Variants in AUTS2 observed in about 807,000 individuals in gnomAD.
AUTS2 encodes the protein autism susceptibility gene 2 protein.
A neutral mutation model predicts 112.4 loss-of-function variants in AUTS2; 17 were observed. That is an observed-to-expected ratio of 0.15 (90% CI 0.10 to 0.23). The LOEUF is 0.23. Among genes scored for constraint, AUTS2 ranks in the 10% least tolerant of loss-of-function variants. The probability of loss-of-function intolerance (pLI) is 1.00; values close to 1 mark genes in which losing one functional copy is unlikely to be tolerated. For synonymous variants in AUTS2, 751 were observed against 702.7 expected (o/e 1.07, Z -1.09); for missense variants, 1,510 against 1,701.6 (o/e 0.89, Z 1.98).
chr7:70,598,732 T>G (rs1299917547), intron 5 of AUTS2, among the ~76,000 whole-genome samples: 2 of 152,232 alleles, frequency 1.3e-5, no homozygotes, highest in Non-Finnish European at 2.9e-5. Flanking sequence ...GAAAGTTTCC[T>G]TCTATGATAA....
intron 5 of AUTS2, among the ~76,000 whole-genome samples, chr7:70,513,498 A>G (rs879707193): frequency 4.6e-5 from 7 of 152,134 alleles, no homozygotes; most frequent in Non-Finnish European, 8.8e-5. Context: ...AAGGCATATA[A>G]TCTATCCCCC....
In AUTS2 at chr7:70,783,683, T is replaced by C. The variant is rs143089679; in HGVS notation, c.2147-1259T>C. 1.2e-4 allele frequency: 19 copies of C among 152,348 alleles called. No individual in the cohort carries two copies. The East Asian group carries it at 3.3e-3, about 26-fold the overall frequency. 9.4% of individuals were successfully genotyped at this position (152,348 alleles called of 1,614,324 possible). On this transcript the variant is annotated intron_variant, in intron 15 of 18. Coordinates refer to ENST00000342771, the MANE Select transcript of AUTS2 (RefSeq NM_015570.4). ...ATAGTTATTTGGTGAACCTTGTAAC[T>C]GATGTGTATAACTTGTACATACTTA...
At chr7:70,174,211 T>G (rs1190279459) in intron 4 of AUTS2, among the ~76,000 whole-genome samples, 2 of 152,202 alleles carry the variant, frequency 1.3e-5, no homozygotes, top group Non-Finnish European at 2.9e-5. Context: ...TTTAGGAGTC[T>G]TGATGGGAGA....
At chr7:70,323,811 T>G (rs951135024) in intron 4 of AUTS2, among the ~76,000 whole-genome samples, 1 of 152,234 alleles carries the variant, frequency 6.6e-6, no homozygotes, top group Non-Finnish European at 1.5e-5. Context: ...TAATGCCTTC[T>G]GAAGAAAAAT....
intron 1 of AUTS2, among the ~76,000 whole-genome samples, chr7:69,713,460 G>GTTT (rs764107255): frequency 5.9e-5 from 8 of 135,778 alleles, no homozygotes; most frequent in Non-Finnish European, 8.1e-5. Flanking sequence ...GCTTTCAAGA[G>GTTT]TTTTTTTTTT....
intron 2 of AUTS2, among the ~76,000 whole-genome samples, chr7:69,918,428 A>C (rs754149416): frequency 4.6e-5 from 7 of 152,142 alleles, no homozygotes; most frequent in Non-Finnish European, 1.0e-4. Context: ...AACCCTTTGG[A>C]GTCTTTTCAT....
chr7:69,632,543 C>T (rs1794298112), intron 1 of AUTS2, among the ~76,000 whole-genome samples: 1 of 149,198 alleles, frequency 6.7e-6, no homozygotes, highest in African/African-American at 2.5e-5. Context: ...TTCTCTCTTC[C>T]ATCCTGCCTC....
At chr7:70,738,418 G>GTTTTTTTT (rs10683693) in intron 6 of AUTS2, among the ~76,000 whole-genome samples, 1 of 142,906 alleles carries the variant, frequency 7.0e-6, no homozygotes, top group Non-Finnish European at 1.5e-5. Context: ...CAAGTTTTTT[G>GTTTTTTTT]TTTTTTTTTT....
chr7:70,078,019 G>A (rs1803119500), intron 2 of AUTS2, among the ~76,000 whole-genome samples: 1 of 152,134 alleles, frequency 6.6e-6, no homozygotes, highest in African/African-American at 2.4e-5. Flanking sequence ...TGGGCAAGTG[G>A]TCAGGTATCC....
At chr7:69,943,531 T>C (rs957871603) in intron 2 of AUTS2, among the ~76,000 whole-genome samples, 8 of 152,216 alleles carry the variant, frequency 5.3e-5, no homozygotes, top group African/African-American at 1.9e-4. Context: ...AATACCTTAG[T>C]CATATTGATT....
At chr7:69,956,870 A>T (rs139973348) in intron 2 of AUTS2, among the ~76,000 whole-genome samples, 13 of 151,644 alleles carry the variant, frequency 8.6e-5, no homozygotes, top group Non-Finnish European at 1.9e-4. Flanking sequence ...TTTTATTTTT[A>T]TTTTTCTTTT....
chr7:70,763,391 T>C, intron 7 of AUTS2, 50 bp downstream of exon 7: 1 of 1,395,300 alleles, frequency 7.2e-7, no homozygotes, highest in Non-Finnish European at 9.8e-7. Context: ...TCCCTGGGGA[T>C]CAGGTGGGTG....
chr7:69,962,823 A>G (rs540088639), intron 2 of AUTS2, among the ~76,000 whole-genome samples: 5 of 152,218 alleles, frequency 3.3e-5, no homozygotes, highest in African/African-American at 9.6e-5. Context: ...GCAGAAGAAA[A>G]GCACGTACAA....
chr7:69,915,204 T>TTA (rs1795527579), intron 2 of AUTS2, among the ~76,000 whole-genome samples: 1 of 152,228 alleles, frequency 6.6e-6, no homozygotes, highest in South Asian at 2.1e-4. Context: ...GAGATACATA[T>TTA]TAAAGTTCTT....
intron 12 of AUTS2, chr7:70,774,749 A>ATC (rs1790579427): frequency 1.3e-5 from 2 of 152,540 alleles, no homozygotes; most frequent in Non-Finnish European, 2.9e-5. Flanking sequence ...ATATGAAAAA[A>ATC]TCTTTAACAA....
chr7:69,625,067 G>A (rs1462304158), intron 1 of AUTS2, among the ~76,000 whole-genome samples: 1 of 152,142 alleles, frequency 6.6e-6, no homozygotes, highest in Non-Finnish European at 1.5e-5. Flanking sequence ...GAGGCATGCC[G>A]TTGGGGCAGT....
chr7:69,806,285 A>T (rs1039525324), intron 1 of AUTS2, among the ~76,000 whole-genome samples: 1 of 147,776 alleles, frequency 6.8e-6, no homozygotes, highest in Non-Finnish European at 1.5e-5. Context: ...GACAAAACTC[A>T]ATTTTTTTTA....
At chr7:70,650,897 A>G (rs10807724) in intron 5 of AUTS2, among the ~76,000 whole-genome samples, 106,784 of 151,976 alleles carry the variant, frequency 0.7, 37,717 homozygotes, top group South Asian at 0.85. Flanking sequence ...ATTGATGACC[A>G]GAGTTCAAAT....
chr7:70,116,382 GAACTGTAGTCTTTA>G lies in AUTS2; in HGVS notation c.523-1747_523-1734del, dbSNP rs1012186015. Among the ~76,000 whole-genome samples the G allele has an allele frequency of 8.5e-4, 129 of 152,228 alleles. 1 individual carries two copies. Among genetic ancestry groups the G allele is most frequent in the African/African-American group, 2.8e-3 (118 of 41,544 alleles). On this transcript the variant is annotated intron_variant, in intron 2 of 18. Transcript: ENST00000342771. ...AATGGTATAACCAAAAGTGAGGTCT[GAACTGTAGTCTTTA>G]AAGACTACAAGGAATGTTGATTCAG...
Sources: gnomAD v4.1 joint callset for allele counts (sites outside exome capture counted in the v4.1 genomes callset) on GRCh38, gnomAD v4.1.1 for gene constraint, MANE v1.5 for transcripts, NCBI Gene and HGNC (gene_info 2026-07-23, HGNC 2026-07-21) for gene names.